RSF1: variants seen among roughly 807,000 people sequenced by gnomAD.
RSF1 encodes the protein HBV pX-associated protein 8.
In RSF1, 13 loss-of-function variants were observed where a neutral mutation model predicts 145.2. The observed-to-expected ratio is 0.09, with a 90% CI of 0.06 to 0.14. The LOEUF is 0.14. Among genes scored for constraint, RSF1 ranks in the 10% least tolerant of loss-of-function variants. The probability of loss-of-function intolerance (pLI) is 1.00; values close to 1 mark genes in which losing one functional copy is unlikely to be tolerated. For synonymous variants in RSF1, 577 were observed against 592.6 expected, an observed-to-expected ratio of 0.97 and a Z score of 0.38; for missense variants, 1,517 against 1,718.2, an observed-to-expected ratio of 0.88 and a Z score of 2.07.
chr11:77,699,378 T>C (rs1960358080), intron 6 of RSF1, among the ~76,000 whole-genome samples: 1 of 151,268 alleles, frequency 6.6e-6, no homozygotes, highest in South Asian at 2.1e-4. Flanking sequence ...TCCTACACTA[T>C]AGGTCGTCAG....
chr11:77,707,766 G>C (rs2135862381), intron 5 of RSF1, among the ~76,000 whole-genome samples: 1 of 152,280 alleles, frequency 6.6e-6, no homozygotes, highest in East Asian at 1.9e-4. Flanking sequence ...TATTTACTGA[G>C]TGCCTGCTTT....
intron 7 of RSF1, among the ~76,000 whole-genome samples, chr11:77,698,123 G>C (rs1960327924): frequency 6.6e-6 from 1 of 152,072 alleles, no homozygotes; most frequent in East Asian, 1.9e-4. Context: ...TGGAACTACT[G>C]GCATGTGGCC....
Position 77,701,581 on chromosome 11 carries a change from G to C in RSF1, c.1648C>G (p.Leu550Val), listed in dbSNP as rs750238852. 1 of 1,614,084 alleles carries C rather than the reference G, an allele frequency of 6.2e-7. No individual in the cohort carries two copies. The highest frequency in any genetic ancestry group is 1.1e-5 in the South Asian group (1 of 91,068). ...GAAGATAAAGCAGTTTTTGAAGAGA[G>C]ATCTTTTGCCATCTCAGAAGAATCA... Reference protein sequence around the residue: ...SLDSSEMAKDLSSKTALSSTE... With the variant: ...SLDSSEMAKDVSSKTALSSTE... The change falls in exon 6 of 16, where the codon CTC becomes GTC. Residue 550 changes from leucine to valine, a missense_variant. Transcript: ENST00000308488.
chr11:77,783,002 G>A (rs1276172060), intron 1 of RSF1, among the ~76,000 whole-genome samples: 1 of 151,972 alleles, frequency 6.6e-6, no homozygotes, highest in East Asian at 1.9e-4. Context: ...GTCTTCTTTT[G>A]AATTAACTTG....
rs150547133 is a variant in RSF1, at chr11:77,764,601, G to T, written c.276C>A (p.Ile92=). ...VTADRWEKYL[I]KICQEFNSTW... is the part of the protein sequence containing the mutation. ...GAAATTTACAAATACTAGTTACCTT[G>T]ATCAAATATTTTTCCCATCTGTCTG... Residue 92 remains isoleucine (I), a synonymous_variant, in exon 2 of 16, where the codon ATC becomes ATA. Transcript: ENST00000308488. The T allele has an allele frequency of 4.5e-6, 7 of 1,564,652 alleles. No individual in the cohort carries two copies. The highest frequency in any genetic ancestry group is 1.7e-5 in the Admixed American group (1 of 59,574).
intron 2 of RSF1, chr11:77,764,320 AT>A: frequency 3.2e-6 from 1 of 308,928 alleles, no homozygotes; most frequent in Non-Finnish European, 5.9e-6. Flanking sequence ...GATCAGGGTG[AT>A]TTTAAGAATT....
chr11:77,755,947 G>A (rs1372046231), intron 2 of RSF1, among the ~76,000 whole-genome samples: 1 of 152,070 alleles, frequency 6.6e-6, no homozygotes, highest in African/African-American at 2.4e-5. Context: ...GAGACAAAGA[G>A]CAAGTACAAA....
the RSF1 span, among the ~76,000 whole-genome samples, chr11:77,871,211 T>C: frequency 6.6e-6 from 1 of 152,208 alleles, no homozygotes; most frequent in Non-Finnish European, 1.5e-5. Context: ...ATAGGGCATA[T>C]TAAAAAATAT....
At chr11:77,728,717 A>G (rs1354071393) in intron 4 of RSF1, among the ~76,000 whole-genome samples, 2 of 152,166 alleles carry the variant, frequency 1.3e-5, no homozygotes, top group Non-Finnish European at 2.9e-5. Context: ...AATGTTGAGA[A>G]TAGACAAATT....
intron 7 of RSF1, 49 bp downstream of exon 7, chr11:77,698,438 C>A: frequency 1.3e-6 from 2 of 1,536,244 alleles, no homozygotes; most frequent in Non-Finnish European, 1.8e-6. Flanking sequence ...TCCAGGCAAC[C>A]TCACCATGTC....
Position 77,667,456 on chromosome 11 carries a change from G to C in RSF1, c.3787C>G (p.Leu1263Val). 1 of 1,612,508 alleles carries C rather than the reference G, an allele frequency of 6.2e-7. No individual in the cohort carries two copies. Among genetic ancestry groups the C allele is most frequent in the Non-Finnish European group, 8.5e-7 (1 of 1,179,902 alleles). The change falls in exon 16 of 16, where the codon CTA becomes GTA. Residue 1263 changes from leucine (L) to valine (V), a missense_variant. Coordinates refer to ENST00000308488, the MANE Select transcript of RSF1 (RefSeq NM_016578.4). ...ACTGACCGCTTTGATTCTTTAGCTA[G>C]CTCATCATCTTCAGAGTTCTTGGAC... ...YLSKNSEDDELAKESKRSVRK... is the reference protein window; with the variant it reads ...YLSKNSEDDEVAKESKRSVRK...
intron 9 of RSF1, among the ~76,000 whole-genome samples, chr11:77,690,527 C>T (rs1397082262): frequency 6.6e-6 from 1 of 152,096 alleles, no homozygotes; most frequent in Admixed American, 6.5e-5. Flanking sequence ...GATCTTGGCT[C>T]ACTGCAACGA....
chr11:77,702,537 C>T, intron 5 of RSF1, 42 bp from the exon 6 acceptor site: 2 of 1,337,182 alleles, frequency 1.5e-6, no homozygotes, highest in Non-Finnish European at 2.0e-6. Flanking sequence ...TAGAAACTTT[C>T]AAGGCTATAA....
chr11:77,825,894 G>A, the RSF1 span, among the ~76,000 whole-genome samples: 3 of 151,986 alleles, frequency 2.0e-5, no homozygotes, highest in Non-Finnish European at 2.9e-5. Flanking sequence ...GTTTCACTAC[G>A]TTGGCCAGGC....
chr11:77,859,642 C>G, the RSF1 span, among the ~76,000 whole-genome samples: 2 of 152,296 alleles, frequency 1.3e-5, no homozygotes, highest in Admixed American at 6.5e-5. Context: ...AGGCATACCC[C>G]GCATTTTGAA....
chr11:77,747,099 T>A lies in RSF1; in HGVS notation c.309A>T (p.Ala103=), dbSNP rs762418319. ...GATAGCCCTTCTTCTCCATCTCCCA[T>A]GCCCAGGTACTGTTAAACTCTTGGC... The part of the protein sequence containing the change: ...KICQEFNSTW[A]WEMEKKGYLE... Residue 103 remains alanine, a synonymous_variant, in exon 3 of 16, where the codon GCA becomes GCT. Coordinates refer to ENST00000308488, the MANE Select transcript of RSF1 (RefSeq NM_016578.4). 1 of 1,611,884 alleles carries A rather than the reference T, an allele frequency of 6.2e-7. No individual in the cohort carries two copies. Among genetic ancestry groups the A allele is most frequent in the South Asian group, 1.1e-5 (1 of 91,008 alleles).
At chr11:77,715,776 T>C (rs914451807) in intron 5 of RSF1, among the ~76,000 whole-genome samples, 3 of 152,126 alleles carry the variant, frequency 2.0e-5, no homozygotes, top group African/African-American at 4.8e-5. Context: ...ATAAAAATAG[T>C]AGTTTTTTTT....
intron 2 of RSF1, among the ~76,000 whole-genome samples, chr11:77,758,127 T>C (rs1241304236): frequency 7.3e-6 from 1 of 137,826 alleles, no homozygotes; most frequent in African/African-American, 2.7e-5. Flanking sequence ...CAGAGGGAGA[T>C]CCAGTCTCAG....
chr11:77,853,876 G>T, the RSF1 span, among the ~76,000 whole-genome samples: 7 of 152,032 alleles, frequency 4.6e-5, no homozygotes, highest in Non-Finnish European at 1.0e-4. Flanking sequence ...AGGAGGTGGA[G>T]GTGGCAGTGA....
Sources: gnomAD v4.1 joint callset for allele counts (sites outside exome capture counted in the v4.1 genomes callset) on GRCh38, gnomAD v4.1.1 for gene constraint, MANE v1.5 for transcripts, NCBI Gene and HGNC (gene_info 2026-07-23, HGNC 2026-07-21) for gene names.